Variants in SPDEF observed in about 807,000 individuals in gnomAD.
SPDEF encodes the protein SAM pointed domain-containing Ets transcription factor.
SPDEF carries 12 observed loss-of-function variants against 36.0 expected under a neutral mutation model. That is an observed-to-expected ratio of 0.33 (90% CI 0.21 to 0.54). The LOEUF (loss-of-function observed/expected upper bound fraction) is 0.54, where lower values mean the gene tolerates loss of function less well. Among genes scored for constraint, SPDEF ranks in the 20% least tolerant of loss-of-function variants. The probability of loss-of-function intolerance (pLI) is 0.93; values close to 1 mark genes in which losing one functional copy is unlikely to be tolerated. For synonymous variants in SPDEF, 205 were observed against 193.0 expected, an observed-to-expected ratio of 1.06 and a Z score of -0.51; for missense variants, 388 against 456.9, an observed-to-expected ratio of 0.85 and a Z score of 1.37.
Position 34,539,708 on chromosome 6 carries a change from G to A in SPDEF, c.635-146C>T, listed in dbSNP as rs1767778523. 2.2e-6 allele frequency: 2 copies of A among 904,622 alleles called. No homozygotes were observed. The highest frequency in any genetic ancestry group is 2.6e-5 in the East Asian group (1 of 37,842). 56.0% of individuals were successfully genotyped at this position (904,622 alleles called of 1,614,324 possible). The stretch of plus-strand genomic sequence containing the variant: ...GGCTCCCTGCCTCCTGCCAACCTGG[G>A]GAGGCAAGCTGGTTACAAGAAGCTG... On this transcript the variant is annotated intron_variant, in intron 3 of 5. Coordinates refer to ENST00000374037, the MANE Select transcript of SPDEF (RefSeq NM_012391.3). This position sits in a 1 kb window ranked among gnomAD's most constrained non-coding sequence, Gnocchi z 5.2.
intron 1 of SPDEF, among the ~76,000 whole-genome samples, chr6:34,553,356 G>C (rs1273061077): frequency 1.3e-5 from 2 of 152,046 alleles, no homozygotes; most frequent in East Asian, 3.9e-4. Context: ...AGTTTGCTTT[G>C]GGAAGAGTTG....
chr6:34,554,916 G>A (rs538584429), intron 1 of SPDEF, among the ~76,000 whole-genome samples: 103 of 152,296 alleles, frequency 6.8e-4, no homozygotes, highest in African/African-American at 2.1e-3. Flanking sequence ...AGCCCTGGCC[G>A]AGGAGGAGGA....
At chr6:34,551,329 G>A (rs1192327088) in intron 1 of SPDEF, among the ~76,000 whole-genome samples, 1 of 152,190 alleles carries the variant, frequency 6.6e-6, no homozygotes, top group Non-Finnish European at 1.5e-5. Flanking sequence ...GTGGACCATC[G>A]TGGCTGAGTT....
At chr6:34,549,985 A>G (rs3798547) in intron 1 of SPDEF, among the ~76,000 whole-genome samples, 131,358 of 152,252 alleles carry the variant, frequency 0.86, 57,329 homozygotes, top group East Asian at 0.97. Context: ...TGTGGAGGTG[A>G]GGCCAGGTCT....
chr6:34,549,029 G>A (rs1361534579), intron 1 of SPDEF, among the ~76,000 whole-genome samples: 1 of 152,230 alleles, frequency 6.6e-6, no homozygotes, highest in African/African-American at 2.4e-5. Context: ...GGACGTGCCA[G>A]GTGTCTGCCA....
Position 34,556,221 on chromosome 6 carries a change from G to C in SPDEF, c.-322C>G, listed in dbSNP as rs1768161535. 6.6e-6 allele frequency: 1 copy of C among 152,420 alleles called. No individual in the cohort carries two copies. Among genetic ancestry groups the C allele is most frequent in the Admixed American group, 6.5e-5 (1 of 15,290 alleles). The allele number at this position is 152,420 out of a possible 1,614,324, so 9.4% of individuals were successfully genotyped here. The stretch of plus-strand genomic sequence containing the variant: ...ACCGTGGCAAGGCCCAACCTGAGGG[G>C]CTTGCAGGGAGCTGGCAGCAGGCTT... On this transcript the variant is annotated 5_prime_UTR_variant, in exon 1 of 6. Coordinates refer to ENST00000374037, the MANE Select transcript of SPDEF (RefSeq NM_012391.3).
chr6:34,544,181 T>C lies in SPDEF; in HGVS notation c.275A>G (p.Gln92Arg), dbSNP rs145301194. ...SREEPPEEPE[Q>R]CPVIDSQAPA... ...GGCTTGGCTGTCAATGACCGGGCAC[T>C]GCTCAGGCTCCTCAGGTGGCTCCTC... is the stretch of plus-strand genomic sequence containing the variant. Residue 92 changes from glutamine (Q) to arginine (R), a missense_variant, in exon 2 of 6, where the codon CAG becomes CGG. Around this residue, in one of 2 missense-constraint regions of SPDEF, gnomAD observed 308 missense variants for 326.1 expected, o/e 0.94. Transcript: ENST00000374037. The surrounding 1 kb of genome is among the most constrained non-coding windows in gnomAD (Gnocchi z 4.4). 12 of 1,613,876 alleles carry C rather than the reference T, an allele frequency of 7.4e-6. No homozygotes were observed. Among genetic ancestry groups the C allele is most frequent in the Non-Finnish European group, 1.0e-5 (12 of 1,179,954 alleles).
intron 2 of SPDEF, among the ~76,000 whole-genome samples, chr6:34,542,197 G>C (rs1018973080): frequency 5.3e-5 from 8 of 152,222 alleles, no homozygotes; most frequent in Admixed American, 1.3e-4. Flanking sequence ...GGGGGCAGGG[G>C]CCGGGCCTGA....
chr6:34,539,468 C>T lies in SPDEF; in HGVS notation c.682+47G>A, dbSNP rs1387759834. 1.3e-6 allele frequency: 2 copies of T among 1,599,254 alleles called. No homozygotes were observed. The highest frequency in any genetic ancestry group is 1.3e-5 in the African/African-American group (1 of 74,600). ...CCCGGCTTCATTGGCAGCCACCCCT[C>T]CACCCCACCCGAGCCCCCGCCTCCA... is the stretch of plus-strand genomic sequence containing the variant. On this transcript the variant is annotated intron_variant, in intron 4 of 5. Transcript: ENST00000374037. The surrounding 1 kb of genome is among the most constrained non-coding windows in gnomAD (Gnocchi z 5.2).
In SPDEF at chr6:34,544,231, G is replaced by T. The variant is rs901632632; in HGVS notation, c.225C>A (p.Ala75=). 4 of 1,613,820 alleles carry T rather than the reference G, an allele frequency of 2.5e-6. No individual in the cohort carries two copies. Among genetic ancestry groups the T allele is most frequent in the Non-Finnish European group, 2.5e-6 (3 of 1,179,948 alleles). Reference sequence around the variant, plus strand: ...CCCGACTGCTGGCCCCAGGGGCCTTGGCTGCCCAGCTGCTGTCCTCAGGGT... The same window carrying T: ...CCCGACTGCTGGCCCCAGGGGCCTTTGCTGCCCAGCTGCTGTCCTCAGGGT... The part of the protein sequence containing the change: ...MLYPEDSSWA[A]KAPGASSREE... The change falls in exon 2 of 6, where the codon GCC becomes GCA. Residue 75 remains alanine (A), a synonymous_variant. Transcript: ENST00000374037. This position sits in a 1 kb window ranked among gnomAD's most constrained non-coding sequence, Gnocchi z 4.4.
rs199641919 is a variant in SPDEF at position 34,538,239 on chromosome 6, C to A, written c.*35G>T. The A allele has an allele frequency of 3.8e-6, 6 of 1,596,584 alleles. No homozygotes were observed. The East Asian group carries it at 1.1e-4, about 30-fold the overall frequency. On this transcript the variant is annotated 3_prime_UTR_variant, in exon 6 of 6. Transcript: ENST00000374037. The surrounding 1 kb of genome is among the most constrained non-coding windows in gnomAD (Gnocchi z 5.9). ...GAGGCAGGGCAGGCAGGAGAGAGGC[C>A]CCTGAGGGCGGGTTTCAGGCCCTGG... is the stretch of plus-strand genomic sequence containing the variant.
At position 34,546,220 on chromosome 6, in the gene SPDEF, A is replaced by G. The variant is rs1392276133; in HGVS notation, c.-29-1736T>C. 2.0e-5 allele frequency among the ~76,000 whole-genome samples: 3 copies of G among 152,216 alleles called. No individual in the cohort carries two copies. In the East Asian group the frequency reaches 5.8e-4, roughly 29 times the overall value. ...TCAGCAGCTCTGGGGGAGACTCCGC[A>G]GTCTGGTTTAACTGGCCTCTGGGTG... On this transcript the variant is annotated intron_variant, in intron 1 of 5. Coordinates refer to ENST00000374037, the MANE Select transcript of SPDEF (RefSeq NM_012391.3).
rs372475042 is a variant in SPDEF at position 34,544,175 on chromosome 6, G to C, written c.281C>G (p.Pro94Arg). ...CGCTGGGGCTTGGCTGTCAATGACC[G>C]GGCACTGCTCAGGCTCCTCAGGTGG... is the stretch of plus-strand genomic sequence containing the variant. ...EEPPEEPEQC[P>R]VIDSQAPAGS... Residue 94 changes from proline to arginine, a missense_variant, in exon 2 of 6, where the codon CCG (proline) becomes CGG (arginine). Physicochemically the swap from Pro to Arg is moderately radical, Grantham distance 103 (BLOSUM62 -2). Around this residue, in one of 2 missense-constraint regions of SPDEF, gnomAD observed 308 missense variants for 326.1 expected, o/e 0.94. Transcript: ENST00000374037. The surrounding 1 kb of genome is among the most constrained non-coding windows in gnomAD (Gnocchi z 4.4). 3 of 1,613,818 alleles carry C rather than the reference G, an allele frequency of 1.9e-6. No individual in the cohort carries two copies. Among genetic ancestry groups the C allele is most frequent in the Non-Finnish European group, 2.5e-6 (3 of 1,179,946 alleles).
At chr6:34,546,222 T>C (rs1449431984) in intron 1 of SPDEF, among the ~76,000 whole-genome samples, 1 of 152,164 alleles carries the variant, frequency 6.6e-6, no homozygotes, top group Admixed American at 6.5e-5. Flanking sequence ...GACTCCGCAG[T>C]CTGGTTTAAC....
intron 1 of SPDEF, among the ~76,000 whole-genome samples, chr6:34,546,694 A>G (rs1307932004): frequency 6.6e-6 from 1 of 150,944 alleles, no homozygotes; most frequent in South Asian, 2.1e-4. Flanking sequence ...TGGTGGAGAA[A>G]ATGCCAGCAG....
In SPDEF at chr6:34,539,869, C is replaced by G. The variant is rs1767781497; in HGVS notation, c.635-307G>C. Among the ~76,000 whole-genome samples the G allele has an allele frequency of 6.6e-6, 1 of 152,164 alleles. No homozygotes were observed. The highest frequency in any genetic ancestry group is 1.5e-5 in the Non-Finnish European group (1 of 68,026). On this transcript the variant is annotated intron_variant, in intron 3 of 5. Transcript: ENST00000374037. This position sits in a 1 kb window ranked among gnomAD's most constrained non-coding sequence, Gnocchi z 5.2. Reference sequence around the variant, plus strand: ...GCGGGGCACTGGTCTCTGACAGGGTCCTATGAGTTGGTCCTGTTTCTTACT... The same window carrying G: ...GCGGGGCACTGGTCTCTGACAGGGTGCTATGAGTTGGTCCTGTTTCTTACT...
intron 2 of SPDEF, among the ~76,000 whole-genome samples, chr6:34,543,195 C>CAAAAAAAAAAAAAAAAAAA (rs56021909): frequency 8.1e-4 from 56 of 69,134 alleles, no homozygotes; most frequent in Admixed American, 9.8e-4. Flanking sequence ...GACTCCATCT[C>CAAAAAAAAAAAAAAAAAAA]AAAAAAAAAA....
At position 34,541,050 on chromosome 6, in the gene SPDEF, G is replaced by C. The variant is rs762936949; in HGVS notation, c.568C>G (p.Gln190Glu). The C allele has an allele frequency of 9.3e-6, 15 of 1,612,496 alleles. No individual in the cohort carries two copies. Among genetic ancestry groups the C allele is most frequent in the South Asian group, 6.6e-5 (6 of 90,922 alleles). ...GKELCAMSEE[Q>E]FRQRSPLGGD... is the part of the protein sequence containing the mutation. ...CCCAGGGGCGAGCGCTGGCGGAACTGCTCCTCCGACATGGCGCACAGCTCC... is the reference window on the plus strand; with the variant it reads ...CCCAGGGGCGAGCGCTGGCGGAACTCCTCCTCCGACATGGCGCACAGCTCC... Residue 190 changes from glutamine (Q) to glutamate (E), a missense_variant, in exon 3 of 6, where the codon CAG becomes GAG. Physicochemically the swap from Gln to Glu is conservative, Grantham distance 29. This residue lies in a region of SPDEF where 308 missense variants were observed against 326.1 expected (regional missense o/e 0.94). Transcript: ENST00000374037.
At chr6:34,550,975 G>A (rs1346582910) in intron 1 of SPDEF, among the ~76,000 whole-genome samples, 1 of 152,182 alleles carries the variant, frequency 6.6e-6, no homozygotes, top group Non-Finnish European at 1.5e-5. Context: ...GCGCTTTCTG[G>A]GACAGGAGGA....
Sources: allele counts gnomAD v4.1 joint callset (sites outside exome capture counted in the v4.1 genomes callset), GRCh38; gene constraint gnomAD v4.1.1; regional missense constraint gnomAD v4.1.1; non-coding constraint Gnocchi (gnomAD v3.1); transcripts MANE v1.5; gene names NCBI Gene and HGNC (gene_info 2026-07-23, HGNC 2026-07-21).